Variants in ADIRF observed in about 807,000 individuals in gnomAD.
The protein encoded by ADIRF is adipogenesis factor rich in obesity.
Under a neutral mutation model 7.8 loss-of-function variants are expected in ADIRF, and 9 were observed. The observed-to-expected ratio is 1.15, with a 90% confidence interval of 0.70 to 2.01. The LOEUF (loss-of-function observed/expected upper bound fraction) is 2.01. Among genes scored for constraint, ADIRF ranks in the 30% most tolerant of loss-of-function variants. The pLI, the probability that ADIRF is intolerant of heterozygous loss-of-function variation, is 0.00. For synonymous variants in ADIRF, 48 were observed against 39.9 expected (o/e 1.20, Z -0.77); for missense variants, 106 against 98.1 (o/e 1.08, Z -0.34).
chr10:86,970,374 T>A, intron 2 of ADIRF, 102 bp from the exon 3 acceptor site: 1 of 1,505,938 alleles, frequency 6.6e-7, no homozygotes, highest in Non-Finnish European at 9.0e-7. Context: ...CTGTCCACAA[T>A]GCCCCAAGCA....
chr10:86,970,726 T>G lies in ADIRF; in HGVS notation c.*144T>G. The G allele has an allele frequency of 1.8e-5, 13 of 726,486 alleles. No individual in the cohort carries two copies. Among genetic ancestry groups the G allele is most frequent in the Non-Finnish European group, 2.5e-5 (10 of 407,590 alleles). The allele number at this position is 726,486 out of a possible 1,614,324, so 45.0% of individuals were successfully genotyped here. A position where few individuals can be genotyped will look rare whatever the true frequency, so the allele number is the denominator to read the frequency against. ...GTCTGCCCCCTCATTAAAATTCACG[T>G]TCCCACCCTGTGTCCACTTCATGAT... On this transcript the variant is annotated 3_prime_UTR_variant, in exon 3 of 3. Transcript: ENST00000372013.
rs1467066191 is a variant in ADIRF, at chr10:86,970,641, C to CTGAAATGATAGCAGGGAGA, written c.*59_*60insTGAAATGATAGCAGGGAGA. 1 of 1,420,038 alleles carries CTGAAATGATAGCAGGGAGA rather than the reference C, an allele frequency of 7.0e-7. No homozygotes were observed. The highest frequency in any genetic ancestry group is 1.2e-5 in the South Asian group (1 of 81,960). 88.0% of individuals were successfully genotyped at this position (1,420,038 alleles called of 1,614,324 possible). A position where few individuals can be genotyped will look rare whatever the true frequency, so the allele number is the denominator to read the frequency against. ...ACAGCAGGGAGACTTGGGTGACCCC[C>CTGAAATGATAGCAGGGAGA]CTTCCAGGCGCCATCTAGCACAGCC... is the stretch of plus-strand genomic sequence containing the variant. On this transcript the variant is annotated 3_prime_UTR_variant, in exon 3 of 3. Coordinates refer to ENST00000372013, the MANE Select transcript of ADIRF (RefSeq NM_006829.3).
At chr10:86,968,630 C>A in intron 1 of ADIRF, 25 bp downstream of exon 1, 1 of 1,608,026 alleles carries the variant, frequency 6.2e-7, no homozygotes. Flanking sequence ...CGACCTAGGG[C>A]TCAGGCAGGG....
chr10:86,970,484 C>T lies in ADIRF; in HGVS notation c.133C>T (p.Gln45Ter), dbSNP rs748840026. 6.2e-7 allele frequency: 1 copy of T among 1,613,064 alleles called. No homozygotes were observed. Among genetic ancestry groups the T allele is most frequent in the Non-Finnish European group, 8.5e-7 (1 of 1,179,560 alleles). ...CTCCCGCCCTTCCCCAGCCATGGACCAGCTGGCCAAGACCACCCAGGAAAC... is the reference window on the plus strand; with the variant it reads ...CTCCCGCCCTTCCCCAGCCATGGACTAGCTGGCCAAGACCACCCAGGAAAC... ...ATEAGQKAMD[Q>*]LAKTTQETID... Residue 45 changes from glutamine to a stop codon, truncating the protein, a stop_gained, in exon 3 of 3, where the codon CAG (glutamine) becomes TAG (stop). Transcript: ENST00000372013. LOFTEE classifies it high-confidence loss of function.
Position 86,970,207 on chromosome 10 carries a change from G to A in ADIRF, c.69G>A (p.Ala23=), listed in dbSNP as rs914303669. The A allele has an allele frequency of 2.8e-6, 4 of 1,453,502 alleles. No individual in the cohort carries two copies. The highest frequency in any genetic ancestry group is 1.5e-5 in the South Asian group (1 of 66,614). 90.0% of individuals were successfully genotyped at this position (1,453,502 alleles called of 1,614,324 possible). The change falls in exon 2 of 3, where the codon GCG becomes GCA. Residue 23 remains alanine (A), a synonymous_variant. Coordinates refer to ENST00000372013, the MANE Select transcript of ADIRF (RefSeq NM_006829.3). ...VEGTAQEAVS[A]AGAAAQQVVD... Reference sequence around the variant, plus strand: ...CACATCTCTCTGTTCCAGTGTCAGCGGCCGGAGCGGCAGCTCAGCAAGTGG... The same window carrying A: ...CACATCTCTCTGTTCCAGTGTCAGCAGCCGGAGCGGCAGCTCAGCAAGTGG...
rs201187335 is a variant in ADIRF at position 86,970,211 on chromosome 10, G to A, written c.73G>A (p.Gly25Arg). The A allele has an allele frequency of 1.9e-5, 27 of 1,454,514 alleles. No homozygotes were observed. The highest frequency in any genetic ancestry group is 2.8e-5 in the African/African-American group (2 of 70,198). 90.1% of individuals were successfully genotyped at this position (1,454,514 alleles called of 1,614,324 possible). A position where few individuals can be genotyped will look rare whatever the true frequency, so the allele number is the denominator to read the frequency against. ...GTAQEAVSAA[G>R]AAAQQVVDQA... ...TCTCTCTGTTCCAGTGTCAGCGGCC[G>A]GAGCGGCAGCTCAGCAAGTGGTGGA... is the stretch of plus-strand genomic sequence containing the variant. Residue 25 changes from glycine (G) to arginine (R), a missense_variant, in exon 2 of 3, where the codon GGA (glycine) becomes AGA (arginine). Physicochemically the swap from Gly to Arg is moderately radical, Grantham distance 125. Transcript: ENST00000372013.
intron 2 of ADIRF, 66 bp downstream of exon 2, chr10:86,970,328 T>C: frequency 6.6e-7 from 1 of 1,512,562 alleles, no homozygotes; most frequent in Non-Finnish European, 8.9e-7. Flanking sequence ...CCATCCCGGC[T>C]GGGGCCCAGG....
In ADIRF at chr10:86,970,216, G is replaced by C. The variant is rs368450847; in HGVS notation, c.78G>C (p.Ala26=). ...CTGTTCCAGTGTCAGCGGCCGGAGC[G>C]GCAGCTCAGCAAGTGGTGGACCAGG... ...TAQEAVSAAG[A]AAQQVVDQAT... Residue 26 remains alanine (A), a synonymous_variant, in exon 2 of 3, where the codon GCG becomes GCC. Transcript: ENST00000372013. 4.8e-6 allele frequency: 7 copies of C among 1,454,956 alleles called. No individual in the cohort carries two copies. Among genetic ancestry groups the C allele is most frequent in the Non-Finnish European group, 6.4e-6 (7 of 1,100,620 alleles). The allele number at this position is 1,454,956 out of a possible 1,614,324, so 90.1% of individuals were successfully genotyped here. A position where few individuals can be genotyped will look rare whatever the true frequency, so the allele number is the denominator to read the frequency against.
In ADIRF at chr10:86,970,781, C is replaced by T. The variant is rs1241946865; in HGVS notation, c.*199C>T. On this transcript the variant is annotated 3_prime_UTR_variant, in exon 3 of 3. Coordinates refer to ENST00000372013, the MANE Select transcript of ADIRF (RefSeq NM_006829.3). The stretch of plus-strand genomic sequence containing the variant: ...CGCAAGCTGGGCCCAGTCCTCTCAT[C>T]CCAAGAGCAGAGCCACCGTAGCCGG... 1 of 654,678 alleles carries T rather than the reference C, an allele frequency of 1.5e-6. No homozygotes were observed. Among genetic ancestry groups the T allele is most frequent in the African/African-American group, 1.8e-5 (1 of 56,316 alleles). 40.6% of individuals were successfully genotyped at this position (654,678 alleles called of 1,614,324 possible).
intron 1 of ADIRF, chr10:86,968,813 T>G: frequency 1.8e-6 from 1 of 546,304 alleles, no homozygotes; most frequent in Non-Finnish European, 3.1e-6. Flanking sequence ...GAACAGAGGC[T>G]CCGGAGGAGC....
At chr10:86,968,758 GC>G in intron 1 of ADIRF, 153 bp downstream of exon 1, 1 of 780,858 alleles carries the variant, frequency 1.3e-6, no homozygotes, top group Non-Finnish European at 2.0e-6. Context: ...CAGGCAGAAC[GC>G]CCACCCCGGC....
Position 86,968,625 on chromosome 10 carries a change from T to C in ADIRF, c.61+20T>C, listed in dbSNP as rs781609734. On this transcript the variant is annotated intron_variant, in intron 1 of 2. Transcript: ENST00000372013. ...AAGCCGGTGAGGATAGCGCGCGACCTAGGGCTCAGGCAGGGGCACCTGCGT... is the reference window on the plus strand; with the variant it reads ...AAGCCGGTGAGGATAGCGCGCGACCCAGGGCTCAGGCAGGGGCACCTGCGT... The C allele has an allele frequency of 6.2e-6, 10 of 1,609,958 alleles. No homozygotes were observed. Among genetic ancestry groups the C allele is most frequent in the Non-Finnish European group, 8.5e-6 (10 of 1,178,582 alleles).
In ADIRF at chr10:86,970,763, T is replaced by C; in HGVS notation, c.*181T>C. The stretch of plus-strand genomic sequence containing the variant: ...GTCCACTTCATGATTCCTCGCAAGC[T>C]GGGCCCAGTCCTCTCATCCCAAGAG... On this transcript the variant is annotated 3_prime_UTR_variant, in exon 3 of 3. Transcript: ENST00000372013. 1.5e-6 allele frequency: 1 copy of C among 674,130 alleles called. No individual in the cohort carries two copies. The highest frequency in any genetic ancestry group is 2.7e-6 in the Non-Finnish European group (1 of 368,964). The allele number at this position is 674,130 out of a possible 1,614,324, so 41.8% of individuals were successfully genotyped here. A position where few individuals can be genotyped will look rare whatever the true frequency, so the allele number is the denominator to read the frequency against.
At chr10:86,968,772 G>A (rs989606592) in intron 1 of ADIRF, 167 bp downstream of exon 1, 3 of 701,196 alleles carry the variant, frequency 4.3e-6, no homozygotes, top group Admixed American at 3.2e-5. Flanking sequence ...ACCCCGGCGA[G>A]CAGACAGATG....
At chr10:86,970,399 C>T in intron 2 of ADIRF, 77 bp from the exon 3 acceptor site, 4 of 1,517,030 alleles carry the variant, frequency 2.6e-6, no homozygotes, top group Non-Finnish European at 3.6e-6. Flanking sequence ...CCCCGGGAGA[C>T]CCAGGCCAGG....
At chr10:86,968,849 G>A (rs886153246) in intron 1 of ADIRF, 1 of 492,540 alleles carries the variant, frequency 2.0e-6, no homozygotes, top group Non-Finnish European at 3.5e-6. Flanking sequence ...GGCACTGCGG[G>A]AGCCCCTCCA....
chr10:86,969,947 A>G, intron 1 of ADIRF: 1 of 321,478 alleles, frequency 3.1e-6, no homozygotes, highest in South Asian at 1.5e-4. Context: ...AGCCCTGGAG[A>G]TGGAAAGGGA....
At chr10:86,970,398 A>T (rs780950721) in intron 2 of ADIRF, 78 bp from the exon 3 acceptor site, 7 of 1,516,306 alleles carry the variant, frequency 4.6e-6, no homozygotes. Context: ...CCCCCGGGAG[A>T]CCCAGGCCAG....
rs114065058 is a variant in ADIRF at position 86,970,632 on chromosome 10, G to C, written c.*50G>C. 1,548 of 1,484,634 alleles carry C rather than the reference G, an allele frequency of 1.0e-3. 15 individuals carry two copies. In the African/African-American group the frequency reaches 0.02, roughly 19 times the overall value. 92.0% of individuals were successfully genotyped at this position (1,484,634 alleles called of 1,614,324 possible). A position where few individuals can be genotyped will look rare whatever the true frequency, so the allele number is the denominator to read the frequency against. On this transcript the variant is annotated 3_prime_UTR_variant, in exon 3 of 3. Coordinates refer to ENST00000372013, the MANE Select transcript of ADIRF (RefSeq NM_006829.3). The stretch of plus-strand genomic sequence containing the variant: ...CCTGAAATGACAGCAGGGAGACTTG[G>C]GTGACCCCCCTTCCAGGCGCCATCT...
Sources: allele counts gnomAD v4.1 joint callset, GRCh38; gene constraint gnomAD v4.1.1; transcripts MANE v1.5; gene names NCBI Gene and HGNC (gene_info 2026-07-23, HGNC 2026-07-21).